GBE1: variants seen among roughly 807,000 people sequenced by gnomAD.
The protein encoded by GBE1 is 1,4-alpha-glucan branching enzyme 1, also known as 1,4-alpha-glucan-branching enzyme.
Under a neutral mutation model 88.8 loss-of-function variants are expected in GBE1, and 70 were observed. The observed-to-expected ratio is 0.79, with a 90% CI of 0.65 to 0.96. The LOEUF is 0.96. GBE1 is among the 40% of genes least tolerant of loss of function. The probability of loss-of-function intolerance (pLI) is 0.00; values close to 1 mark genes in which losing one functional copy is unlikely to be tolerated. For missense variants in GBE1, 872 were observed against 871.0 expected, an observed-to-expected ratio of 1.00 and a Z score of -0.01; for synonymous variants, 284 against 300.1, an observed-to-expected ratio of 0.95 and a Z score of 0.56.
At chr3:81,726,439 T>C (rs1706113008) in intron 1 of GBE1, among the ~76,000 whole-genome samples, 1 of 152,186 alleles carries the variant, frequency 6.6e-6, no homozygotes, top group East Asian at 1.9e-4. Context: ...ACTCTCAGTG[T>C]AACAGGCAGT....
intron 12 of GBE1, among the ~76,000 whole-genome samples, chr3:81,544,094 G>A (rs1703174479): frequency 1.3e-5 from 2 of 152,092 alleles, no homozygotes; most frequent in South Asian, 4.1e-4. Flanking sequence ...CTGTATTTGT[G>A]AAAGAACCAT....
intron 2 of GBE1, among the ~76,000 whole-genome samples, chr3:81,701,706 T>C (rs1392777366): frequency 6.6e-6 from 1 of 152,046 alleles, no homozygotes; most frequent in Non-Finnish European, 1.5e-5. Flanking sequence ...AAACTCTAAA[T>C]CCCATCATTT....
At chr3:81,597,258 T>C (rs2106962134) in intron 7 of GBE1, among the ~76,000 whole-genome samples, 1 of 151,794 alleles carries the variant, frequency 6.6e-6, no homozygotes, top group Middle Eastern at 3.4e-3. Context: ...CAGCAGAATT[T>C]AAGACACAGT....
At chr3:81,519,533 A>G (rs1245828458) in intron 14 of GBE1, among the ~76,000 whole-genome samples, 1 of 151,460 alleles carries the variant, frequency 6.6e-6, no homozygotes, top group Non-Finnish European at 1.5e-5. Flanking sequence ...TTATGGTCTC[A>G]GAATGATATT....
At chr3:81,635,174 A>T (rs1704574859) in intron 7 of GBE1, among the ~76,000 whole-genome samples, 1 of 152,158 alleles carries the variant, frequency 6.6e-6, no homozygotes, top group Non-Finnish European at 1.5e-5. Context: ...GTAAAAGTCT[A>T]ATCTTGGGGA....
intron 1 of GBE1, among the ~76,000 whole-genome samples, chr3:81,738,403 C>A (rs577816044): frequency 6.6e-6 from 1 of 152,066 alleles, no homozygotes; most frequent in East Asian, 1.9e-4. Flanking sequence ...TCCACATCCT[C>A]TCCAGCACCT....
intron 14 of GBE1, among the ~76,000 whole-genome samples, chr3:81,516,214 A>C (rs573208421): frequency 2.6e-5 from 4 of 151,750 alleles, no homozygotes; most frequent in Admixed American, 2.6e-4. Context: ...CTCTCTTGTT[A>C]TGGGCTAATG....
intron 3 of GBE1, among the ~76,000 whole-genome samples, chr3:81,659,669 C>T (rs1704995135): frequency 6.6e-6 from 1 of 151,378 alleles, no homozygotes; most frequent in Admixed American, 6.6e-5. Context: ...ATTCTAAGTG[C>T]CATTGCAATG....
intron 10 of GBE1, among the ~76,000 whole-genome samples, chr3:81,581,656 A>C (rs1703733625): frequency 6.6e-6 from 1 of 152,102 alleles, no homozygotes; most frequent in African/African-American, 2.4e-5. Context: ...TACACTTGTT[A>C]TATTTATTTG....
intron 12 of GBE1, among the ~76,000 whole-genome samples, chr3:81,577,662 A>T (rs1172652947): frequency 6.6e-6 from 1 of 152,164 alleles, no homozygotes; most frequent in African/African-American, 2.4e-5. Flanking sequence ...ATAATTCCGG[A>T]TGTTAAAAAC....
intron 1 of GBE1, among the ~76,000 whole-genome samples, chr3:81,746,503 C>G (rs927231147): frequency 6.6e-6 from 1 of 152,088 alleles, no homozygotes; most frequent in African/African-American, 2.4e-5. Context: ...TCATTCAGTC[C>G]AACCACCTCA....
intron 7 of GBE1, among the ~76,000 whole-genome samples, chr3:81,599,934 C>A (rs1314844663): frequency 6.6e-6 from 1 of 152,018 alleles, no homozygotes; most frequent in African/African-American, 2.4e-5. Context: ...ACTCCTTTTT[C>A]ATTTTTCCCT....
chr3:81,548,111 T>C (rs554604987), intron 12 of GBE1, among the ~76,000 whole-genome samples: 2 of 151,488 alleles, frequency 1.3e-5, no homozygotes, highest in Non-Finnish European at 3.0e-5. Context: ...ACATTTGCCA[T>C]TTTTTAATTC....
At chr3:81,688,432 G>C (rs1705471245) in intron 2 of GBE1, among the ~76,000 whole-genome samples, 2 of 151,928 alleles carry the variant, frequency 1.3e-5, no homozygotes, top group Non-Finnish European at 2.9e-5. Context: ...TTTACTAAAA[G>C]AAATTTTCAC....
In GBE1 at chr3:81,650,130, G is replaced by A. The variant is rs192634370; in HGVS notation, c.430-209C>T. On this transcript the variant is annotated intron_variant, in intron 3 of 15. Coordinates refer to ENST00000429644, the MANE Select transcript of GBE1 (RefSeq NM_000158.4). ...TATATCATCCTTAAAGTAACTTCCA[G>A]CTTGAACATTTTATGGCTTTCTGGC... The A allele has an allele frequency of 1.3e-5, 5 of 373,028 alleles. No homozygotes were observed. In the Admixed American group the frequency reaches 2.0e-4, roughly 15 times the overall value. The allele number at this position is 373,028 out of a possible 1,614,324, so 23.1% of individuals were successfully genotyped here.
chr3:81,597,147 T>C (rs996124940), intron 7 of GBE1, among the ~76,000 whole-genome samples: 2 of 151,780 alleles, frequency 1.3e-5, no homozygotes, highest in African/African-American at 2.4e-5. Context: ...TGGTAAAAAG[T>C]ACAATAAAAA....
At chr3:81,732,552 C>T (rs1321518855) in intron 1 of GBE1, among the ~76,000 whole-genome samples, 2 of 152,100 alleles carry the variant, frequency 1.3e-5, no homozygotes, top group East Asian at 3.9e-4. Flanking sequence ...TCTTCTCTTT[C>T]TCTCACATCC....
intron 2 of GBE1, among the ~76,000 whole-genome samples, chr3:81,692,566 G>A (rs1029534903): frequency 1.3e-5 from 2 of 152,182 alleles, no homozygotes; most frequent in East Asian, 1.9e-4. Context: ...GTTTGGTAAC[G>A]TTCTCCATCA....
intron 14 of GBE1, among the ~76,000 whole-genome samples, chr3:81,526,300 A>C (rs571329656): frequency 3.3e-5 from 5 of 152,092 alleles, no homozygotes; most frequent in Admixed American, 1.3e-4. Flanking sequence ...ATTCCCTTTG[A>C]AAAGTGGTAC....
Sources: gnomAD v4.1 joint callset for allele counts (sites outside exome capture counted in the v4.1 genomes callset) on GRCh38, gnomAD v4.1.1 for gene constraint, MANE v1.5 for transcripts, NCBI Gene and HGNC (gene_info 2026-07-23, HGNC 2026-07-21) for gene names.